Variants in B3GALT5 observed in about 807,000 individuals in gnomAD.
B3GALT5 encodes UDP-Gal:betaGlcNAc beta 1,3-galactosyltransferase, polypeptide 5.
For synonymous variants in B3GALT5, 156 were observed against 158.6 expected (o/e 0.98, Z 0.12); for missense variants, 328 against 396.6 (o/e 0.83, Z 1.47).
intron 1 of B3GALT5, among the ~76,000 whole-genome samples, chr21:39,646,184 A>C (rs936579101): frequency 3.3e-5 from 5 of 152,076 alleles, no homozygotes; most frequent in Non-Finnish European, 7.4e-5. Context: ...GGTGCCCCGG[A>C]CTACTGCTTC....
chr21:39,643,211 A>C (rs2146202221), intron 1 of B3GALT5, among the ~76,000 whole-genome samples: 1 of 152,238 alleles, frequency 6.6e-6, no homozygotes, highest in South Asian at 2.1e-4. Flanking sequence ...GGAGATGGGC[A>C]GCATCGCAGG....
rs557307942 is a variant in B3GALT5, at chr21:39,628,182, C to T, written c.-392+15115C>T. On this transcript the variant is annotated intron_variant, in intron 1 of 3. Coordinates refer to ENST00000684187, the MANE Select transcript of B3GALT5 (RefSeq NM_001356336.2). ...GACTTTAAAATCGTTATTATAAATACGGTAAGTAAATTAGGGGAAATGATG... is the reference window on the plus strand; with the variant it reads ...GACTTTAAAATCGTTATTATAAATATGGTAAGTAAATTAGGGGAAATGATG... Among the ~76,000 whole-genome samples the T allele has an allele frequency of 4.6e-5, 7 of 152,146 alleles. No homozygotes were observed. The South Asian group carries it at 6.2e-4, about 14-fold the overall frequency.
chr21:39,627,404 A>G (rs2079169868), intron 1 of B3GALT5, among the ~76,000 whole-genome samples: 1 of 152,114 alleles, frequency 6.6e-6, no homozygotes, highest in Non-Finnish European at 1.5e-5. Flanking sequence ...GCACATTAAC[A>G]CCTACCTTGC....
At chr21:39,650,179 T>A (rs966684113) in intron 2 of B3GALT5, among the ~76,000 whole-genome samples, 4 of 152,254 alleles carry the variant, frequency 2.6e-5, no homozygotes, top group Middle Eastern at 3.4e-3. Context: ...AGAGACAAAA[T>A]AAAATAAATA....
In B3GALT5 at chr21:39,661,570, C is replaced by T. The variant is rs1389397508; in HGVS notation, c.*78C>T. The T allele has an allele frequency of 2.6e-5, 34 of 1,331,868 alleles. No individual in the cohort carries two copies. The highest frequency in any genetic ancestry group is 5.9e-5 in the Admixed American group (2 of 33,936). The allele number at this position is 1,331,868 out of a possible 1,614,324, so 82.5% of individuals were successfully genotyped here. A position where few individuals can be genotyped will look rare whatever the true frequency, so the allele number is the denominator to read the frequency against. ...TTTTGCTAGATTTTGGAAGAGGGGGCGGGACAGAGGATGCTGTTCTTCAGT... is the reference window on the plus strand; with the variant it reads ...TTTTGCTAGATTTTGGAAGAGGGGGTGGGACAGAGGATGCTGTTCTTCAGT... On this transcript the variant is annotated 3_prime_UTR_variant, in exon 4 of 4. Transcript: ENST00000684187. The surrounding 1 kb of genome is among the most constrained non-coding windows in gnomAD (Gnocchi z 4.7).
chr21:39,639,409 TTTCTTTCTTTC>T (rs2079266907), intron 1 of B3GALT5, among the ~76,000 whole-genome samples: 1 of 88,790 alleles, frequency 1.1e-5, no homozygotes, highest in African/African-American at 4.4e-5. Flanking sequence ...TTTTTCTTTC[TTTCTTTCTTTC>T]TTTCTTTCTT....
At chr21:39,619,532 C>T (rs2079123864) in intron 1 of B3GALT5, among the ~76,000 whole-genome samples, 1 of 151,982 alleles carries the variant, frequency 6.6e-6, no homozygotes, top group Admixed American at 6.6e-5. Flanking sequence ...TATACTAGAT[C>T]AAGTTAGGTC....
intron 1 of B3GALT5, among the ~76,000 whole-genome samples, chr21:39,628,095 G>A (rs966631974): frequency 1.3e-5 from 2 of 152,114 alleles, no homozygotes; most frequent in South Asian, 2.1e-4. Context: ...GAGAAATTAC[G>A]TGTGCAATAA....
chr21:39,638,791 T>C (rs952068269), intron 1 of B3GALT5, among the ~76,000 whole-genome samples: 15 of 152,266 alleles, frequency 9.9e-5, no homozygotes, highest in African/African-American at 3.4e-4. Flanking sequence ...CCCGTCTTTA[T>C]GCTCCCCTAG....
At chr21:39,652,269 C>T (rs1167315406) in intron 2 of B3GALT5, among the ~76,000 whole-genome samples, 1 of 152,230 alleles carries the variant, frequency 6.6e-6, no homozygotes, top group Non-Finnish European at 1.5e-5. Context: ...GGGTTCAAGT[C>T]AGGCTATGGA....
rs566768747 is a variant in B3GALT5, at chr21:39,663,743, C to T, written c.*2251C>T. 5 of 152,316 alleles carry T rather than the reference C, an allele frequency of 3.3e-5. No individual in the cohort carries two copies. The highest frequency in any genetic ancestry group is 3.9e-4 in the East Asian group (2 of 5,176). The allele number at this position is 152,316 out of a possible 1,614,324, so 9.4% of individuals were successfully genotyped here. On this transcript the variant is annotated 3_prime_UTR_variant, in exon 4 of 4. Transcript: ENST00000684187. ...CCTCCTCTTTTATGTGGGATGCAAA[C>T]GAGGCTCAGAGAGACGTAACAACTT...
intron 2 of B3GALT5, chr21:39,657,781 C>G: frequency 1.9e-6 from 2 of 1,061,092 alleles, no homozygotes; most frequent in Middle Eastern, 3.4e-4. Flanking sequence ...TTCGATCTCT[C>G]TAGAGAACCC....
chr21:39,640,964 C>T (rs551999593), intron 1 of B3GALT5, among the ~76,000 whole-genome samples: 14 of 152,088 alleles, frequency 9.2e-5, no homozygotes, highest in Non-Finnish European at 1.8e-4. Context: ...GGTGTCGTCT[C>T]GAACTCCTGG....
At chr21:39,652,942 CTT>C (rs1281645085) in intron 2 of B3GALT5, among the ~76,000 whole-genome samples, 1 of 152,126 alleles carries the variant, frequency 6.6e-6, no homozygotes, top group Non-Finnish European at 1.5e-5. Flanking sequence ...TTTAATTAAA[CTT>C]ATTTAAAAAT....
intron 1 of B3GALT5, among the ~76,000 whole-genome samples, chr21:39,615,860 A>G (rs1288522260): frequency 1.3e-5 from 2 of 152,258 alleles, no homozygotes; most frequent in African/African-American, 4.8e-5. Flanking sequence ...TTGTGTGCCA[A>G]GCACTTTACC....
chr21:39,617,696 C>T (rs774044859), intron 1 of B3GALT5, among the ~76,000 whole-genome samples: 1 of 152,198 alleles, frequency 6.6e-6, no homozygotes, highest in Non-Finnish European at 1.5e-5. Flanking sequence ...CAGCCCAGGA[C>T]GGCTTTGAAT....
At chr21:39,629,005 T>A (rs1054371732) in intron 1 of B3GALT5, among the ~76,000 whole-genome samples, 1 of 152,062 alleles carries the variant, frequency 6.6e-6, no homozygotes, top group African/African-American at 2.4e-5. Flanking sequence ...ACTCTTAACA[T>A]CCTCTTAACA....
At position 39,664,459 on chromosome 21, in the gene B3GALT5, T is replaced by TC. The variant is rs1200716605; in HGVS notation, c.*2971dup. ...CTCACTCTCGTCCTACCACCTGCTG[T>TC]CCCCTCTGCTGGATCACCCCATTAG... On this transcript the variant is annotated 3_prime_UTR_variant, in exon 4 of 4. Coordinates refer to ENST00000684187, the MANE Select transcript of B3GALT5 (RefSeq NM_001356336.2). The TC allele has an allele frequency of 6.5e-6, 1 of 152,786 alleles. No individual in the cohort carries two copies. Among genetic ancestry groups the TC allele is most frequent in the Non-Finnish European group, 1.5e-5 (1 of 68,430 alleles). 9.5% of individuals were successfully genotyped at this position (152,786 alleles called of 1,614,324 possible).
intron 2 of B3GALT5, among the ~76,000 whole-genome samples, chr21:39,653,026 A>T (rs1437732411): frequency 6.6e-6 from 1 of 152,156 alleles, no homozygotes; most frequent in African/African-American, 2.4e-5. Flanking sequence ...GTTTTTACAT[A>T]TATTTCCACC....
Sources: allele counts gnomAD v4.1 joint callset (sites outside exome capture counted in the v4.1 genomes callset), GRCh38; gene constraint gnomAD v4.1.1; non-coding constraint Gnocchi (gnomAD v3.1); transcripts MANE v1.5; gene names NCBI Gene and HGNC (gene_info 2026-07-23, HGNC 2026-07-21).